The following TMC4 variants were observed in gnomAD, a reference collection of about 807,000 sequenced individuals.
TMC4 encodes the protein transmembrane channel like 4.
In TMC4, 70 loss-of-function variants were observed where a neutral mutation model predicts 82.0. The ratio of observed to expected loss-of-function variants is 0.85; its 90% CI spans 0.70 to 1.04. The LOEUF is 1.04. TMC4 is among the 50% of genes least tolerant of loss of function. TMC4 has a pLI of 0.00. For missense variants in TMC4, 879 were observed against 899.0 expected (o/e 0.98, Z 0.28); for synonymous variants, 446 against 406.0 (o/e 1.10, Z -1.18).
intron 5 of TMC4, among the ~76,000 whole-genome samples, chr19:54,167,051 G>A (rs2075722701): frequency 6.6e-6 from 1 of 152,078 alleles, no homozygotes; most frequent in Non-Finnish European, 1.5e-5. Context: ...TTGAGCCTAG[G>A]AGTTTGAGCG....
rs115904006 is a variant in TMC4 at position 54,169,609 on chromosome 19, C to T, written c.345G>A (p.Thr115=). 9.9e-6 allele frequency: 16 copies of T among 1,613,894 alleles called. No homozygotes were observed. Among genetic ancestry groups the T allele is most frequent in the East Asian group, 4.5e-5 (2 of 44,880 alleles). Residue 115 remains threonine, a synonymous_variant, in exon 3 of 15, where the codon ACG becomes ACA. Transcript: ENST00000619895. ...TCCGAAGTAGCCGCGCCCATCGGTC[C>T]GTCTTAGTTCCAGAGCCATAGACCA... The part of the protein sequence containing the change: ...DQVVYGSGTK[T]DRWARLLRRS...
intron 6 of TMC4, among the ~76,000 whole-genome samples, chr19:54,165,036 G>A (rs1418477003): frequency 6.7e-6 from 1 of 150,336 alleles, no homozygotes; most frequent in Non-Finnish European, 1.5e-5. Context: ...CTTAGGCCCC[G>A]CCCGCTTCTT....
chr19:54,162,596 G>A (rs1358825637), intron 10 of TMC4, 77 bp downstream of exon 10: 3 of 1,178,476 alleles, frequency 2.5e-6, no homozygotes, highest in East Asian at 2.4e-5. Flanking sequence ...AAAAAGGTGC[G>A]CGGTGAAAAG....
chr19:54,172,663 C>A, intron 1 of TMC4: 1 of 278,274 alleles, frequency 3.6e-6, no homozygotes, highest in Non-Finnish European at 6.6e-6. Flanking sequence ...TTCCCCTGGA[C>A]CCAGGGGTCC....
chr19:54,170,164 G>A (rs1255598026), intron 2 of TMC4, among the ~76,000 whole-genome samples: 1 of 152,046 alleles, frequency 6.6e-6, no homozygotes, highest in Admixed American at 6.6e-5. Context: ...ACAAAAGACT[G>A]AAGACTGTAT....
intron 7 of TMC4, 118 bp from the exon 8 acceptor site, chr19:54,164,005 C>T (rs2075638527): frequency 1.8e-6 from 2 of 1,119,856 alleles, no homozygotes; most frequent in Non-Finnish European, 2.5e-6. Flanking sequence ...GACAGAGTCT[C>T]GCTCTGTTAC....
At chr19:54,169,351 A>T (rs1452780339) in intron 3 of TMC4, among the ~76,000 whole-genome samples, 161 bp downstream of exon 3, 1 of 151,546 alleles carries the variant, frequency 6.6e-6, no homozygotes, top group African/African-American at 2.4e-5. Context: ...TGCCTTTCTC[A>T]GACCCAAGAG....
chr19:54,165,193 C>G (rs1371562202), intron 6 of TMC4, among the ~76,000 whole-genome samples: 1 of 151,700 alleles, frequency 6.6e-6, no homozygotes, highest in Non-Finnish European at 1.5e-5. Context: ...CAAGCATTAG[C>G]CACCGATCCC....
chr19:54,171,880 G>A lies in TMC4; in HGVS notation c.283C>T (p.Arg95Trp), dbSNP rs150568137. 66 of 1,604,676 alleles carry A rather than the reference G, an allele frequency of 4.1e-5. No homozygotes were observed. The African/African-American group carries it at 6.2e-4, about 15-fold the overall frequency. ...RELPWPMQAR[R>W]AHRQRNASRD... ...GAGGTGGGGCCTCACCTGTGTGCCC[G>A]TCTGGCCTGCATGGGCCAGGGCAGT... Residue 95 changes from arginine (R) to tryptophan (W), a missense_variant, in exon 2 of 15, where the codon CGG becomes TGG. Arg to Trp is a moderately radical substitution (Grantham distance 101). Coordinates refer to ENST00000619895, the MANE Select transcript of TMC4 (RefSeq NM_144686.4).
chr19:54,163,748 C>T lies in TMC4; in HGVS notation c.1253G>A (p.Arg418His). 1.2e-6 allele frequency: 2 copies of T among 1,614,028 alleles called. No individual in the cohort carries two copies. The highest frequency in any genetic ancestry group is 2.2e-5 in the East Asian group (1 of 44,868). ...IAPLEGYTRSRQIVFILLRTV... is the reference protein window; with the variant it reads ...IAPLEGYTRSHQIVFILLRTV... ...CCTGAGCAGGATAAAAACGATCTGG[C>T]GACTCCGAGTGTAGCCCTCCAGTGG... The change falls in exon 8 of 15, where the codon CGC becomes CAC. Residue 418 changes from arginine (R) to histidine (H), a missense_variant. Coordinates refer to ENST00000619895, the MANE Select transcript of TMC4 (RefSeq NM_144686.4).
chr19:54,166,161 C>T (rs556202753), intron 5 of TMC4, among the ~76,000 whole-genome samples: 7 of 151,460 alleles, frequency 4.6e-5, no homozygotes, highest in African/African-American at 1.7e-4. Context: ...GGAGGATCAC[C>T]TGAGGTCAGG....
chr19:54,170,450 G>T (rs1256414209), intron 2 of TMC4, among the ~76,000 whole-genome samples: 1 of 152,086 alleles, frequency 6.6e-6, no homozygotes, highest in African/African-American at 2.4e-5. Flanking sequence ...GCCCTAGCTG[G>T]AGTTTATCTG....
intron 6 of TMC4, among the ~76,000 whole-genome samples, 155 bp downstream of exon 6, chr19:54,165,264 C>G (rs2075673274): frequency 6.6e-6 from 1 of 152,126 alleles, no homozygotes; most frequent in Non-Finnish European, 1.5e-5. Flanking sequence ...TCGGCCTCCT[C>G]TCAACCTTCT....
chr19:54,172,960 C>T, intron 1 of TMC4, 79 bp downstream of exon 1: 1 of 1,267,664 alleles, frequency 7.9e-7, no homozygotes, highest in Non-Finnish European at 1.1e-6. Context: ...GGAGGCCAGG[C>T]CTCCCCTTTC....
In TMC4 at chr19:54,164,585, G is replaced by A. The variant is rs2075653903; in HGVS notation, c.962C>T (p.Thr321Ile). ...CACCGCAGCCTGGCGCCGCACCACT[G>A]TCTCCTCCAGCTCCACCTGAAGGCA... is the stretch of plus-strand genomic sequence containing the variant. Reference protein sequence around the residue: ...LYELKVELEETVVRRQAAVRT... With the variant: ...LYELKVELEEIVVRRQAAVRT... Residue 321 changes from threonine to isoleucine, a missense_variant, in exon 7 of 15, where the codon ACA (threonine) becomes ATA (isoleucine). By Grantham distance (89) the Thr-to-Ile change is moderately conservative. Transcript: ENST00000619895. The A allele has an allele frequency of 6.2e-7, 1 of 1,613,284 alleles. No individual in the cohort carries two copies. The highest frequency in any genetic ancestry group is 8.5e-7 in the Non-Finnish European group (1 of 1,179,990).
intron 5 of TMC4, among the ~76,000 whole-genome samples, chr19:54,165,795 A>G (rs1431139394): frequency 6.6e-6 from 1 of 152,142 alleles, no homozygotes; most frequent in East Asian, 1.9e-4. Context: ...GGCACCCCAA[A>G]GAGAGGCAGA....
chr19:54,173,127 C>A lies in TMC4; in HGVS notation c.-10G>T, dbSNP rs1229320546. The A allele has an allele frequency of 6.2e-7, 1 of 1,613,302 alleles. No homozygotes were observed. Among genetic ancestry groups the A allele is most frequent in the South Asian group, 1.1e-5 (1 of 91,038 alleles). On this transcript the variant is annotated 5_prime_UTR_variant, in exon 1 of 15. Transcript: ENST00000619895. ...TCGGGTTTTCTTCCATGGCCCCAGG[C>A]TGGGCTGTCTCTAGTGGCCACCAGG...
At chr19:54,171,062 CATAT>C (rs1003312870) in intron 2 of TMC4, among the ~76,000 whole-genome samples, 1 of 149,674 alleles carries the variant, frequency 6.7e-6, no homozygotes, top group South Asian at 2.1e-4. Flanking sequence ...TATATATACA[CATAT>C]ATATACATAT....
intron 5 of TMC4, among the ~76,000 whole-genome samples, chr19:54,167,100 T>G (rs1381462289): frequency 1.3e-5 from 2 of 151,674 alleles, no homozygotes; most frequent in Non-Finnish European, 2.9e-5. Flanking sequence ...CTCTATAACA[T>G]TAAAAAAAAA....
Sources: allele counts gnomAD v4.1 joint callset (sites outside exome capture counted in the v4.1 genomes callset), GRCh38; gene constraint gnomAD v4.1.1; transcripts MANE v1.5; gene names NCBI Gene and HGNC (gene_info 2026-07-23, HGNC 2026-07-21).